Variants in TMEM255B observed in about 807,000 individuals in gnomAD.
TMEM255B encodes family with sequence similarity 70, member B.
TMEM255B carries 35 observed loss-of-function variants against 34.5 expected under a neutral mutation model. The observed-to-expected ratio is 1.01, with a 90% CI of 0.77 to 1.34. TMEM255B has a LOEUF of 1.34. Ranked by LOEUF, TMEM255B falls within the 40% of genes most tolerant of loss-of-function variation. TMEM255B has a pLI of 0.00. For synonymous variants in TMEM255B, 206 were observed against 201.2 expected (o/e 1.02, Z -0.20); for missense variants, 432 against 433.2 (o/e 1.00, Z 0.02).
At chr13:113,766,348 G>GCGT in intron 2 of TMEM255B, 91 bp downstream of exon 2, 1 of 1,581,432 alleles carries the variant, frequency 6.3e-7, no homozygotes, top group Non-Finnish European at 8.6e-7. Flanking sequence ...CACAGGGCTG[G>GCGT]GGCTGAAGGT....
intron 3 of TMEM255B, among the ~76,000 whole-genome samples, chr13:113,780,622 A>G (rs2050652447): frequency 6.6e-6 from 1 of 152,252 alleles, no homozygotes; most frequent in African/African-American, 2.4e-5. Flanking sequence ...GTCCTGCCTG[A>G]TATTAATGAA....
intron 3 of TMEM255B, among the ~76,000 whole-genome samples, chr13:113,789,262 C>G (rs1168242939): frequency 6.6e-6 from 1 of 151,860 alleles, no homozygotes; most frequent in Non-Finnish European, 1.5e-5. Flanking sequence ...GATGCCCCAA[C>G]AGAATGCAAT....
At chr13:113,776,462 T>C (rs9577904) in intron 3 of TMEM255B, among the ~76,000 whole-genome samples, 116,693 of 152,140 alleles carry the variant, frequency 0.77, 45,439 homozygotes, top group African/African-American at 0.88. Context: ...TCCCGACAGC[T>C]ACGTCCAGCC....
At chr13:113,807,128 C>T (rs963948063) in intron 8 of TMEM255B, among the ~76,000 whole-genome samples, 12 of 152,180 alleles carry the variant, frequency 7.9e-5, no homozygotes, top group African/African-American at 1.9e-4. Flanking sequence ...GTGAGGGGCC[C>T]GGCTTCTCCA....
rs1220914899 is a variant in TMEM255B, at chr13:113,815,018, G to A, written c.*3115G>A. 2 of 152,108 alleles carry A rather than the reference G, an allele frequency of 1.3e-5. No homozygotes were observed. The highest frequency in any genetic ancestry group is 2.9e-5 in the Non-Finnish European group (2 of 68,094). 9.4% of individuals were successfully genotyped at this position (152,108 alleles called of 1,614,324 possible). A position where few individuals can be genotyped will look rare whatever the true frequency, so the allele number is the denominator to read the frequency against. Reference sequence around the variant, plus strand: ...AGGTGGGGGCCTAGTGTAGCTGCAGGTTGTGACTGAGGAGGGCAGGGTCAG... The same window carrying A: ...AGGTGGGGGCCTAGTGTAGCTGCAGATTGTGACTGAGGAGGGCAGGGTCAG... On this transcript the variant is annotated 3_prime_UTR_variant, in exon 9 of 9. Transcript: ENST00000375353.
chr13:113,778,152 CG>C (rs2050609708), intron 3 of TMEM255B, among the ~76,000 whole-genome samples: 1 of 152,188 alleles, frequency 6.6e-6, no homozygotes, highest in African/African-American at 2.4e-5. Flanking sequence ...GCAGGACAGG[CG>C]TGTTCCTGTC....
At position 113,813,056 on chromosome 13, in the gene TMEM255B, AG is replaced by A. The variant is rs1409342021; in HGVS notation, c.*1155del. On this transcript the variant is annotated 3_prime_UTR_variant, in exon 9 of 9. Coordinates refer to ENST00000375353, the MANE Select transcript of TMEM255B (RefSeq NM_182614.4). ...ACAGGCGCCCCAGTGACAGGAGTTC[AG>A]GATGCGCCACCCCAAAGTAGCCGAA... is the stretch of plus-strand genomic sequence containing the variant. The A allele has an allele frequency of 6.6e-6, 1 of 151,894 alleles. No individual in the cohort carries two copies. The highest frequency in any genetic ancestry group is 1.5e-5 in the Non-Finnish European group (1 of 68,106). 9.4% of individuals were successfully genotyped at this position (151,894 alleles called of 1,614,324 possible). A position where few individuals can be genotyped will look rare whatever the true frequency, so the allele number is the denominator to read the frequency against.
rs992913595 is a variant in TMEM255B at position 113,802,839 on chromosome 13, C to T, written c.669+1027C>T. Among the ~76,000 whole-genome samples the T allele has an allele frequency of 7.4e-5, 11 of 148,390 alleles. 2 individuals carry two copies. Among genetic ancestry groups the T allele is most frequent in the African/African-American group, 2.7e-4 (11 of 40,662 alleles). On this transcript the variant is annotated intron_variant, in intron 7 of 8. Coordinates refer to ENST00000375353, the MANE Select transcript of TMEM255B (RefSeq NM_182614.4). Reference sequence around the variant, plus strand: ...AAGCCCCACCCTGGGCCCCCAGACGCCCGCACACCAACACAAGACAGGCAC... The same window carrying T: ...AAGCCCCACCCTGGGCCCCCAGACGTCCGCACACCAACACAAGACAGGCAC...
rs555671311 is a variant in TMEM255B, at chr13:113,807,305, G to A, written c.813+2277G>A. ...GCAGGCTTACGGGATGTGGAGGGTG[G>A]TCCTCCCTGTCACACGCAGGCTTAC... On this transcript the variant is annotated intron_variant, in intron 8 of 8. Coordinates refer to ENST00000375353, the MANE Select transcript of TMEM255B (RefSeq NM_182614.4). Among the ~76,000 whole-genome samples, 72 of 150,930 alleles carry A rather than the reference G, an allele frequency of 4.8e-4. No individual in the cohort carries two copies. In the South Asian group the frequency reaches 6.9e-3, roughly 15 times the overall value.
In TMEM255B at chr13:113,769,350, T is replaced by C. The variant is rs1303178755; in HGVS notation, c.252+190T>C. Among the ~76,000 whole-genome samples, 1 of 152,140 alleles carries C rather than the reference T, an allele frequency of 6.6e-6. No homozygotes were observed. The highest frequency in any genetic ancestry group is 2.4e-5 in the African/African-American group (1 of 41,424). ...GGTTCAGCGAGTACCATTCACACCT[T>C]AGTCTAAGCGAGCATGGCCCTGGGT... On this transcript the variant is annotated intron_variant, in intron 3 of 8. Transcript: ENST00000375353. The surrounding 1 kb of genome is among the most constrained non-coding windows in gnomAD (Gnocchi z 4.2).
chr13:113,783,193 G>A (rs901353934), intron 3 of TMEM255B, among the ~76,000 whole-genome samples: 1 of 152,092 alleles, frequency 6.6e-6, no homozygotes, highest in Non-Finnish European at 1.5e-5. Context: ...TTTTCCTGGG[G>A]CTCTTATGTA....
chr13:113,799,099 T>C (rs1359514000), intron 4 of TMEM255B, among the ~76,000 whole-genome samples: 2 of 152,226 alleles, frequency 1.3e-5, no homozygotes, highest in African/African-American at 4.8e-5. Flanking sequence ...AGAATATGCA[T>C]GGCCCGAGGT....
At chr13:113,778,992 G>C (rs986161016) in intron 3 of TMEM255B, among the ~76,000 whole-genome samples, 2 of 152,220 alleles carry the variant, frequency 1.3e-5, no homozygotes, top group African/African-American at 4.8e-5. Context: ...ATTTAGGTCT[G>C]GAGTGTTCTC....
At chr13:113,775,328 G>A (rs991476441) in intron 3 of TMEM255B, among the ~76,000 whole-genome samples, 27 of 152,152 alleles carry the variant, frequency 1.8e-4, no homozygotes, top group Admixed American at 1.5e-3. Flanking sequence ...CCTTCCTTGC[G>A]CCCTGCTTAG....
intron 3 of TMEM255B, among the ~76,000 whole-genome samples, chr13:113,784,697 A>G (rs1051629633): frequency 2.0e-5 from 3 of 152,212 alleles, no homozygotes; most frequent in Non-Finnish European, 4.4e-5. Context: ...CAAGCCTCAC[A>G]GTTCCCTTCG....
Position 113,766,100 on chromosome 13 carries a change from C to T in TMEM255B, c.47-15C>T, listed in dbSNP as rs148848459. 8.3e-4 allele frequency: 1,342 copies of T among 1,613,760 alleles called. 19 individuals carry two copies. In the East Asian group the frequency reaches 0.026, roughly 31 times the overall value. On this transcript the variant is annotated splice_polypyrimidine_tract_variant and intron_variant, in intron 1 of 8. Transcript: ENST00000375353. Reference sequence around the variant, plus strand: ...CTGAGCCCTCACTGACAGGTCCTCGCCTTCCTCCCCACAGAAGGGCTTTCG... The same window carrying T: ...CTGAGCCCTCACTGACAGGTCCTCGTCTTCCTCCCCACAGAAGGGCTTTCG...
chr13:113,759,331 G>A lies in TMEM255B; in HGVS notation c.46+16G>A. 8.1e-7 allele frequency: 1 copy of A among 1,229,476 alleles called. No individual in the cohort carries two copies. The highest frequency in any genetic ancestry group is 1.0e-6 in the Non-Finnish European group (1 of 986,408). The allele number at this position is 1,229,476 out of a possible 1,614,324, so 76.2% of individuals were successfully genotyped here. A position where few individuals can be genotyped will look rare whatever the true frequency, so the allele number is the denominator to read the frequency against. On this transcript the variant is annotated intron_variant, in intron 1 of 8. Transcript: ENST00000375353. The stretch of plus-strand genomic sequence containing the variant: ...GACCCCGCAGGTGAGCGCGGGGCTG[G>A]GGGCTCGTCTCGGCTCCTGCGGGGG...
chr13:113,792,831 G>T (rs2050853908), intron 3 of TMEM255B, among the ~76,000 whole-genome samples: 1 of 152,218 alleles, frequency 6.6e-6, no homozygotes, highest in African/African-American at 2.4e-5. Context: ...CTTTCTTCTG[G>T]GAGCATCTCA....
At chr13:113,810,563 CTGA>C (rs2051279410) in intron 8 of TMEM255B, among the ~76,000 whole-genome samples, 1 of 152,206 alleles carries the variant, frequency 6.6e-6, no homozygotes, top group Non-Finnish European at 1.5e-5. Context: ...GAATGACTGG[CTGA>C]TGACTGTGGG....
Sources: allele counts gnomAD v4.1 joint callset (sites outside exome capture counted in the v4.1 genomes callset), GRCh38; gene constraint gnomAD v4.1.1; non-coding constraint Gnocchi (gnomAD v3.1); transcripts MANE v1.5; gene names NCBI Gene and HGNC (gene_info 2026-07-23, HGNC 2026-07-21).